The following ABCA10 variants were observed in gnomAD, a reference collection of about 807,000 sequenced individuals.
ABCA10 encodes the protein ATP-binding cassette sub-family A member 10.
Under a neutral mutation model 187.5 loss-of-function variants are expected in ABCA10, and 169 were observed. The ratio of observed to expected loss-of-function variants is 0.90; its 90% CI spans 0.80 to 1.02. The LOEUF (loss-of-function observed/expected upper bound fraction) is 1.02, where lower values mean the gene tolerates loss of function less well. Ranked by LOEUF, ABCA10 falls within the 50% of genes least tolerant of loss-of-function variation. The pLI, the probability that ABCA10 is intolerant of heterozygous loss-of-function variation, is 0.00. For synonymous variants in ABCA10, 574 were observed against 601.8 expected (o/e 0.95, Z 0.68); for missense variants, 1,727 against 1,812.4 (o/e 0.95, Z 0.86).
chr17:69,202,544 A>C (rs2074554278), intron 9 of ABCA10, among the ~76,000 whole-genome samples: 3 of 152,296 alleles, frequency 2.0e-5, no homozygotes, highest in African/African-American at 7.2e-5. Context: ...AAGCATGGGA[A>C]ATTTTTTTAA....
rs748959919 is a variant in ABCA10 at position 69,185,478 on chromosome 17, T to G, written c.2496A>C (p.Thr832=). The change falls in exon 20 of 39, where the codon ACA becomes ACC. Residue 832 remains threonine, a splice_region_variant and synonymous_variant. Coordinates refer to ENST00000690296, the MANE Select transcript of ABCA10 (RefSeq NM_001377321.1). ...PLTSLLIVNN[T]GSNIEDLVHS... ...CTAAATTTCAGCCCCATTTCTCACC[T>G]GTATTATTAACGATTAACAGGCTGG... is the stretch of plus-strand genomic sequence containing the variant. 10 of 1,610,626 alleles carry G rather than the reference T, an allele frequency of 6.2e-6. No homozygotes were observed. The African/African-American group carries it at 1.2e-4, about 19-fold the overall frequency.
At chr17:69,222,848 T>C in intron 3 of ABCA10, 151 bp from the exon 4 acceptor site, 1 of 666,198 alleles carries the variant, frequency 1.5e-6, no homozygotes, top group Non-Finnish European at 2.2e-6. Context: ...TGAGTGAAAC[T>C]ATTGTTTTAA....
chr17:69,211,249 T>C (rs1327226911), intron 9 of ABCA10, among the ~76,000 whole-genome samples: 2 of 148,846 alleles, frequency 1.3e-5, no homozygotes, highest in Non-Finnish European at 3.0e-5. Context: ...CATTATTTCA[T>C]TCCTTTTTAA....
chr17:69,180,792 T>C (rs908363290), intron 22 of ABCA10, among the ~76,000 whole-genome samples: 2 of 152,310 alleles, frequency 1.3e-5, no homozygotes, highest in African/African-American at 4.8e-5. Context: ...TTGCATTATA[T>C]GGTATTAATT....
chr17:69,197,590 T>A (rs1193333021), intron 10 of ABCA10, among the ~76,000 whole-genome samples: 1 of 152,202 alleles, frequency 6.6e-6, no homozygotes, highest in Non-Finnish European at 1.5e-5. Context: ...CACAAAAAAC[T>A]ATTCCCAATG....
At chr17:69,208,226 GCTAA>G (rs2074606334) in intron 9 of ABCA10, among the ~76,000 whole-genome samples, 1 of 151,750 alleles carries the variant, frequency 6.6e-6, no homozygotes, top group Non-Finnish European at 1.5e-5. Flanking sequence ...GACCATCCTG[GCTAA>G]CACGGTGAAA....
At chr17:69,174,453 G>A in intron 24 of ABCA10, 59 bp from the exon 25 acceptor site, 1 of 1,458,598 alleles carries the variant, frequency 6.9e-7, no homozygotes, top group Non-Finnish European at 9.4e-7. Flanking sequence ...AGGGAAAGAG[G>A]AGGGGAGATA....
rs368606702 is a variant in ABCA10, at chr17:69,155,793, C to A, written c.3576+12G>T. On this transcript the variant is annotated intron_variant, in intron 29 of 38. Coordinates refer to ENST00000690296, the MANE Select transcript of ABCA10 (RefSeq NM_001377321.1). ...TGAGCATTTTATTAAGGGTCTAATC[C>A]CTGCTGTTCACCTCCTCCAAGTTTG... 140 of 1,612,666 alleles carry A rather than the reference C, an allele frequency of 8.7e-5. 1 individual carries two copies. In the Middle Eastern group the frequency reaches 1.2e-3, roughly 13 times the overall value.
intron 22 of ABCA10, among the ~76,000 whole-genome samples, chr17:69,177,965 A>ATATATAT (rs1555659730): frequency 2.4e-4 from 30 of 125,310 alleles, no homozygotes; most frequent in African/African-American, 8.6e-4. Flanking sequence ...CAAAAAAAAA[A>ATATATAT]AAAAAAAAAT....
chr17:69,154,333 G>GTTTC lies in ABCA10; in HGVS notation c.3695-8_3695-7insGAAA. On this transcript the variant is annotated splice_polypyrimidine_tract_variant and splice_region_variant and intron_variant, in intron 30 of 38. Transcript: ENST00000690296. ...AGTAATCCCAAAACTTCACCTGGAA[G>GTTTC]AAAGAGTCACCATCAATATTTGAAT... 1.3e-6 allele frequency: 2 copies of GTTTC among 1,560,526 alleles called. No individual in the cohort carries two copies. Among genetic ancestry groups the GTTTC allele is most frequent in the Non-Finnish European group, 1.7e-6 (2 of 1,160,080 alleles).
intron 19 of ABCA10, 62 bp downstream of exon 19, chr17:69,187,616 TTTC>T (rs1163070263): frequency 1.4e-6 from 2 of 1,446,922 alleles, no homozygotes; most frequent in East Asian, 2.4e-5. Context: ...ATATATTTAC[TTTC>T]TTAATATTTG....
rs2074699143 is a variant in ABCA10 at position 69,215,820 on chromosome 17, C to T, written c.853G>A (p.Ala285Thr). 4.5e-6 allele frequency: 7 copies of T among 1,566,634 alleles called. No individual in the cohort carries two copies. The highest frequency in any genetic ancestry group is 1.2e-5 in the South Asian group (1 of 80,424). The change falls in exon 8 of 39, where the codon GCC becomes ACC. Residue 285 changes from alanine (A) to threonine (T), a missense_variant. By Grantham distance (58) the Ala-to-Thr change is moderately conservative. Transcript: ENST00000690296. ...TGAAATAATTATGTTCTTACCTGGG[C>T]CATTCCAGCAGTGAAGGCAAAAGGG... ...LSPFAFTAGM[A>T]QITHLDNYLS...
At chr17:69,186,431 C>G (rs1279981436) in intron 19 of ABCA10, among the ~76,000 whole-genome samples, 7 of 152,160 alleles carry the variant, frequency 4.6e-5, no homozygotes, top group African/African-American at 1.7e-4. Flanking sequence ...AAAGATCAGT[C>G]CTTGTCAACA....
In ABCA10 at chr17:69,193,885, G is replaced by A; in HGVS notation, c.1450C>T (p.Leu484Phe). Residue 484 changes from leucine to phenylalanine, a missense_variant, in exon 13 of 39, where the codon CTC becomes TTC. Physicochemically the swap from Leu to Phe is conservative, Grantham distance 22. Transcript: ENST00000690296. ...CPQFNFQFDF[L>F]TVRENLRVFA... ...ACCCTGAGGTTTTCTCTCACAGTGAGGAAGTCAAATTGAAAATTGAACTGT... is the reference window on the plus strand; with the variant it reads ...ACCCTGAGGTTTTCTCTCACAGTGAAGAAGTCAAATTGAAAATTGAACTGT... The A allele has an allele frequency of 6.2e-7, 1 of 1,613,406 alleles. No homozygotes were observed. The highest frequency in any genetic ancestry group is 8.5e-7 in the Non-Finnish European group (1 of 1,179,684).
chr17:69,187,105 A>T (rs1481934705), intron 19 of ABCA10, among the ~76,000 whole-genome samples: 1 of 152,164 alleles, frequency 6.6e-6, no homozygotes, highest in Non-Finnish European at 1.5e-5. Flanking sequence ...AAGAAGAAAA[A>T]AAAAAGAAAC....
chr17:69,197,703 T>C (rs1232123598), intron 10 of ABCA10, among the ~76,000 whole-genome samples: 1 of 152,202 alleles, frequency 6.6e-6, no homozygotes, highest in Non-Finnish European at 1.5e-5. Flanking sequence ...ACTCTTTTGT[T>C]TTCTTAAGTC....
intron 19 of ABCA10, among the ~76,000 whole-genome samples, chr17:69,186,452 T>C (rs1205803991): frequency 2.0e-5 from 3 of 152,154 alleles, no homozygotes; most frequent in Admixed American, 6.6e-5. Context: ...TTGCGATGAA[T>C]CCAAACTCTC....
intron 27 of ABCA10, among the ~76,000 whole-genome samples, chr17:69,162,840 T>TATACATATACATATACATATACATATAC (rs67276822): frequency 0.066 from 9,091 of 138,056 alleles, 482 homozygotes; most frequent in Middle Eastern, 0.13. Context: ...TACATATACA[T>TATACATATACATATACATATACATATAC]ATATATATAT....
In ABCA10 at chr17:69,185,559, C is replaced by T. The variant is rs147761066; in HGVS notation, c.2415G>A (p.Glu805=). The T allele has an allele frequency of 1.7e-4, 278 of 1,613,250 alleles. 1 individual carries two copies. The African/African-American group carries it at 3.4e-3, about 20-fold the overall frequency. The stretch of plus-strand genomic sequence containing the variant: ...AAAGGAAATACATACTGGGTGAAAA[C>T]TCCCAACAATGAGTTTCACGAGTTA... ...YKVTRETHCW[E]FSPSMYFLSL... is the part of the protein sequence containing the mutation. Residue 805 remains glutamate (E), a synonymous_variant, in exon 20 of 39, where the codon GAG becomes GAA. Transcript: ENST00000690296.
Sources: allele counts gnomAD v4.1 joint callset (sites outside exome capture counted in the v4.1 genomes callset), GRCh38; gene constraint gnomAD v4.1.1; transcripts MANE v1.5; gene names NCBI Gene and HGNC (gene_info 2026-07-23, HGNC 2026-07-21).